The following SPI1 variants were observed in gnomAD, a reference collection of about 807,000 sequenced individuals.
The protein encoded by SPI1 is transcription factor PU.1.
A neutral mutation model predicts 30.7 loss-of-function variants in SPI1; 3 were observed. The ratio of observed to expected loss-of-function variants is 0.10; its 90% confidence interval spans 0.04 to 0.25. SPI1 has a LOEUF of 0.25. Ranked by LOEUF, SPI1 falls within the 10% of genes least tolerant of loss-of-function variation. SPI1 has a pLI of 1.00. For synonymous variants in SPI1, 169 were observed against 157.1 expected (o/e 1.08, Z -0.56); for missense variants, 261 against 371.5 (o/e 0.70, Z 2.45).
rs972028698 is a variant in SPI1, at chr11:47,355,550, C to T, written c.494-4G>A. 5.0e-6 allele frequency: 7 copies of T among 1,399,076 alleles called. No homozygotes were observed. Among genetic ancestry groups the T allele is most frequent in the African/African-American group, 3.0e-5 (2 of 66,352 alleles). The allele number at this position is 1,399,076 out of a possible 1,614,324, so 86.7% of individuals were successfully genotyped here. On this transcript the variant is annotated splice_region_variant and splice_polypyrimidine_tract_variant and intron_variant, in intron 4 of 4. Coordinates refer to ENST00000378538, the MANE Select transcript of SPI1 (RefSeq NM_003120.3). ...AGGCGGATCTTCTTCTTGCTGCCTGCGGGGGGGAGGGCCCGGTGGGAGGGG... is the reference window on the plus strand; with the variant it reads ...AGGCGGATCTTCTTCTTGCTGCCTGTGGGGGGGAGGGCCCGGTGGGAGGGG...
chr11:47,356,621 A>T (rs2095910086), intron 4 of SPI1, among the ~76,000 whole-genome samples: 1 of 151,080 alleles, frequency 6.6e-6, no homozygotes. Context: ...ATACTTGCTT[A>T]CACATGCTTG....
chr11:47,372,056 T>C (rs1303871887), intron 2 of SPI1, among the ~76,000 whole-genome samples: 1 of 152,008 alleles, frequency 6.6e-6, no homozygotes, highest in Non-Finnish European at 1.5e-5. Context: ...CAGCCCCCCA[T>C]GTAGACACTC....
intron 2 of SPI1, among the ~76,000 whole-genome samples, chr11:47,373,347 G>T (rs765452168): frequency 8.1e-5 from 12 of 147,334 alleles, no homozygotes; most frequent in Non-Finnish European, 1.3e-4. Flanking sequence ...ACGAGACTCC[G>T]TATCAAAAAA....
In SPI1 at chr11:47,359,011, A is replaced by G; in HGVS notation, c.331-5T>C. 1 of 1,523,334 alleles carries G rather than the reference A, an allele frequency of 6.6e-7. No individual in the cohort carries two copies. The highest frequency in any genetic ancestry group is 8.8e-7 in the Non-Finnish European group (1 of 1,137,558). 94.4% of individuals were successfully genotyped at this position (1,523,334 alleles called of 1,614,324 possible). A position where few individuals can be genotyped will look rare whatever the true frequency, so the allele number is the denominator to read the frequency against. On this transcript the variant is annotated splice_region_variant and splice_polypyrimidine_tract_variant and intron_variant, in intron 3 of 4. Transcript: ENST00000378538. The surrounding 1 kb of genome is among the most constrained non-coding windows in gnomAD (Gnocchi z 5.1). ...CATCCGGGGCAGGTAGGAGACCTGGACGGTGGGGGAAGGAGATCAGAGTCA... is the reference window on the plus strand; with the variant it reads ...CATCCGGGGCAGGTAGGAGACCTGGGCGGTGGGGGAAGGAGATCAGAGTCA...
At chr11:47,360,848 G>A (rs764367349) in intron 2 of SPI1, among the ~76,000 whole-genome samples, 1 of 145,610 alleles carries the variant, frequency 6.9e-6, no homozygotes, top group Non-Finnish European at 1.5e-5. Flanking sequence ...TCGGCCGGGC[G>A]CAGTGGCTCA....
At chr11:47,357,481 T>A (rs1435949180) in intron 4 of SPI1, among the ~76,000 whole-genome samples, 2 of 151,686 alleles carry the variant, frequency 1.3e-5, no homozygotes, top group Middle Eastern at 6.5e-3. Flanking sequence ...ACTCAAATGC[T>A]CACACACATT....
chr11:47,366,060 T>C (rs1007139778), intron 2 of SPI1, among the ~76,000 whole-genome samples: 2 of 152,132 alleles, frequency 1.3e-5, no homozygotes, highest in African/African-American at 4.8e-5. Context: ...TCACCTGTCA[T>C]TCTTCATCCA....
rs112053867 is a variant in SPI1, at chr11:47,356,261, A to G, written c.494-715T>C. Among the ~76,000 whole-genome samples the G allele has an allele frequency of 6.4e-3, 937 of 145,636 alleles. 11 individuals carry two copies. The highest frequency in any genetic ancestry group is 0.022 in the African/African-American group (870 of 38,896). On this transcript the variant is annotated intron_variant, in intron 4 of 4. Transcript: ENST00000378538. ...AACATGCCCCCACACACTGGCACCCACACGACACACCCACTCACATGCTTG... is the reference window on the plus strand; with the variant it reads ...AACATGCCCCCACACACTGGCACCCGCACGACACACCCACTCACATGCTTG...
rs2095940042 is a variant in SPI1, at chr11:47,374,680, T to C, written c.142+953A>G. On this transcript the variant is annotated intron_variant, in intron 2 of 4. Transcript: ENST00000378538. The surrounding 1 kb of genome is among the most constrained non-coding windows in gnomAD (Gnocchi z 4.5). ...CCCCAGTGACGACTCACCCACTGAC[T>C]AGGCCACCTCGCTTTGGGTCAGGGA... 1.3e-5 allele frequency among the ~76,000 whole-genome samples: 2 copies of C among 152,064 alleles called. No homozygotes were observed. The highest frequency in any genetic ancestry group is 6.6e-5 in the Admixed American group (1 of 15,258).
rs1017870046 is a variant in SPI1 at position 47,374,150 on chromosome 11, G to T, written c.142+1483C>A. Among the ~76,000 whole-genome samples, 12 of 152,332 alleles carry T rather than the reference G, an allele frequency of 7.9e-5. No homozygotes were observed. The highest frequency in any genetic ancestry group is 2.9e-4 in the African/African-American group (12 of 41,568). On this transcript the variant is annotated intron_variant, in intron 2 of 4. Transcript: ENST00000378538. The surrounding 1 kb of genome is among the most constrained non-coding windows in gnomAD (Gnocchi z 4.5). ...TGGAGTCCTGGAACCGCTTGGGAAGGTGGGTGCGTGGTCTCTGGGTCCCCC... is the reference window on the plus strand; with the variant it reads ...TGGAGTCCTGGAACCGCTTGGGAAGTTGGGTGCGTGGTCTCTGGGTCCCCC...
At chr11:47,357,342 CTCA>C (rs1339794442) in intron 4 of SPI1, among the ~76,000 whole-genome samples, 4 of 61,390 alleles carry the variant, frequency 6.5e-5, no homozygotes, top group African/African-American at 2.2e-4. Flanking sequence ...CACCTGCTCA[CTCA>C]TATTTCACAC....
At chr11:47,365,277 A>G (rs1375380581) in intron 2 of SPI1, among the ~76,000 whole-genome samples, 2 of 152,196 alleles carry the variant, frequency 1.3e-5, no homozygotes, top group Non-Finnish European at 2.9e-5. Context: ...CCTCGAAAGA[A>G]TATAATGTCA....
At chr11:47,371,371 A>G (rs1344110957) in intron 2 of SPI1, among the ~76,000 whole-genome samples, 1 of 84,800 alleles carries the variant, frequency 1.2e-5, no homozygotes, top group Non-Finnish European at 2.3e-5. Flanking sequence ...AAAAAAAAAA[A>G]AAAAAAAAAA....
intron 4 of SPI1, among the ~76,000 whole-genome samples, chr11:47,356,883 TACAC>T (rs3842252): frequency 4.1e-5 from 6 of 145,822 alleles, no homozygotes; most frequent in African/African-American, 7.8e-5. Flanking sequence ...ATTACTCAGC[TACAC>T]ACACACGCCC....
At chr11:47,355,722 A>C (rs59011238) in intron 4 of SPI1, among the ~76,000 whole-genome samples, 176 bp from the exon 5 acceptor site, 150,575 of 150,714 alleles carry the variant, frequency 1, 75,218 homozygotes, top group Admixed American at 1. Flanking sequence ...ACACACACAC[A>C]TGCTTGCGCA....
chr11:47,373,303 G>C (rs1408799923), intron 2 of SPI1, among the ~76,000 whole-genome samples: 1 of 151,860 alleles, frequency 6.6e-6, no homozygotes, highest in Non-Finnish European at 1.5e-5. Flanking sequence ...AGTGAGCCAA[G>C]ATTGTGCCAC....
In SPI1 at chr11:47,378,342, C is replaced by T; in HGVS notation, c.12G>A (p.Ala4=). 3.7e-6 allele frequency: 6 copies of T among 1,613,500 alleles called. No homozygotes were observed. Among genetic ancestry groups the T allele is most frequent in the Non-Finnish European group, 5.1e-6 (6 of 1,179,770 alleles). MLQ[A]CKMEGFPLVP... ...CGAGGGGAAACCCTTCCATTTTGCA[C>T]GCCTGTAACATCCAGCCGGGCTCCG... Residue 4 remains alanine (A), a synonymous_variant, in exon 1 of 5, where the codon GCG becomes GCA. Coordinates refer to ENST00000378538, the MANE Select transcript of SPI1 (RefSeq NM_003120.3).
chr11:47,365,335 G>A (rs1043858275), intron 2 of SPI1, among the ~76,000 whole-genome samples: 6 of 152,072 alleles, frequency 3.9e-5, no homozygotes, highest in Admixed American at 6.6e-5. Flanking sequence ...TCTACAGACC[G>A]GTAGGCACCC....
chr11:47,358,207 TTA>T, intron 4 of SPI1: 1 of 281,668 alleles, frequency 3.6e-6, no homozygotes, highest in Non-Finnish European at 7.0e-6. Context: ...TCACACACAC[TTA>T]TATCACACAC....
Sources: allele counts gnomAD v4.1 joint callset (sites outside exome capture counted in the v4.1 genomes callset), GRCh38; gene constraint gnomAD v4.1.1; non-coding constraint Gnocchi (gnomAD v3.1); transcripts MANE v1.5; gene names NCBI Gene and HGNC (gene_info 2026-07-23, HGNC 2026-07-21).